KIF2A: variants seen among roughly 807,000 people sequenced by gnomAD.
The protein encoded by KIF2A is kinesin-like protein KIF2A.
KIF2A carries 22 observed loss-of-function variants against 100.2 expected under a neutral mutation model. The ratio of observed to expected loss-of-function variants is 0.22; its 90% confidence interval spans 0.16 to 0.31. The LOEUF (loss-of-function observed/expected upper bound fraction) is 0.31. Ranked by LOEUF, KIF2A falls within the 10% of genes least tolerant of loss-of-function variation. The probability of loss-of-function intolerance (pLI) is 1.00; values close to 1 mark genes in which losing one functional copy is unlikely to be tolerated. For missense variants in KIF2A, 495 were observed against 898.7 expected (o/e 0.55, Z 5.74); for synonymous variants, 268 against 285.9 (o/e 0.94, Z 0.63).
At position 62,372,551 on chromosome 5, in the gene KIF2A, G is replaced by GGT. The variant is rs563646102; in HGVS notation, c.1760+1_1760+2dup. 92 of 1,512,184 alleles carry GGT rather than the reference G, an allele frequency of 6.1e-5. No homozygotes were observed. The African/African-American group carries it at 1.1e-3, about 18-fold the overall frequency. 93.7% of individuals were successfully genotyped at this position (1,512,184 alleles called of 1,614,324 possible). On this transcript the variant is annotated frameshift_variant and splice_region_variant. Transcript: ENST00000407818. LOFTEE classifies it high-confidence loss of function. The stretch of plus-strand genomic sequence containing the variant: ...GACGACTTTTCTCCTTCAGTTACCA[G>GGT]GTCTACTTCATTCTATACATAAGAT...
chr5:62,335,135 ACAT>A (rs1746873778), intron 1 of KIF2A, among the ~76,000 whole-genome samples: 1 of 152,238 alleles, frequency 6.6e-6, no homozygotes, highest in African/African-American at 2.4e-5. Flanking sequence ...TCAAGGCTGA[ACAT>A]CATCCTCATA....
intron 19 of KIF2A, among the ~76,000 whole-genome samples, chr5:62,379,475 CAA>C (rs1741687137): frequency 6.6e-6 from 1 of 152,024 alleles, no homozygotes; most frequent in African/African-American, 2.4e-5. Context: ...CCAGCCTGAC[CAA>C]TATGGAGAAA....
At chr5:62,367,013 G>A (rs908572910) in intron 16 of KIF2A, among the ~76,000 whole-genome samples, 1 of 151,942 alleles carries the variant, frequency 6.6e-6, no homozygotes, top group African/African-American at 2.4e-5. Context: ...AGTAAAGTTG[G>A]TCTTTTTATC....
At chr5:62,344,910 C>A (rs1188436113) in intron 1 of KIF2A, among the ~76,000 whole-genome samples, 1 of 152,102 alleles carries the variant, frequency 6.6e-6, no homozygotes, top group Non-Finnish European at 1.5e-5. Context: ...AGATTATGTT[C>A]ATTTATTACT....
chr5:62,374,651 T>G (rs1741465358), intron 18 of KIF2A, among the ~76,000 whole-genome samples: 1 of 152,044 alleles, frequency 6.6e-6, no homozygotes, highest in Non-Finnish European at 1.5e-5. Flanking sequence ...TTATAAAGCT[T>G]AAAAACAAGC....
At chr5:62,385,107 A>G (rs1039925094) in intron 20 of KIF2A, among the ~76,000 whole-genome samples, 2 of 149,598 alleles carry the variant, frequency 1.3e-5, no homozygotes, top group African/African-American at 5.0e-5. Flanking sequence ...GCACCATTGC[A>G]CTCAAGCTTG....
chr5:62,308,448 G>A, intron 1 of KIF2A: 3 of 948,684 alleles, frequency 3.2e-6, no homozygotes, highest in Non-Finnish European at 3.3e-6. Flanking sequence ...CTGCACTCTC[G>A]CGTTCATTGC....
At chr5:62,376,087 A>G (rs1346242730) in intron 18 of KIF2A, among the ~76,000 whole-genome samples, 2 of 152,172 alleles carry the variant, frequency 1.3e-5, no homozygotes, top group African/African-American at 4.8e-5. Context: ...CCAGAGCAAG[A>G]TAAGTACTCC....
At chr5:62,350,546 A>T (rs574474884) in intron 4 of KIF2A, among the ~76,000 whole-genome samples, 1 of 151,822 alleles carries the variant, frequency 6.6e-6, no homozygotes, top group South Asian at 2.1e-4. Context: ...AAGTGTTGGG[A>T]TTACAGGCAT....
At chr5:62,341,780 C>T (rs1381443805) in intron 1 of KIF2A, among the ~76,000 whole-genome samples, 1 of 152,160 alleles carries the variant, frequency 6.6e-6, no homozygotes, top group African/African-American at 2.4e-5. Flanking sequence ...GTGGGAATAC[C>T]ATGGTAGATG....
chr5:62,382,783 G>T lies in KIF2A; in HGVS notation c.2149+1530G>T, dbSNP rs116617076. ...CGAGTAGTTGGGATTACAGGCACGC[G>T]CCACAATGCACAGCTAACTTCTGTA... On this transcript the variant is annotated intron_variant, in intron 20 of 20. Coordinates refer to ENST00000407818, the MANE Select transcript of KIF2A (RefSeq NM_001098511.3). 5.3e-3 allele frequency among the ~76,000 whole-genome samples: 803 copies of T among 151,760 alleles called. 1 individual carries two copies. The highest frequency in any genetic ancestry group is 0.01 in the South Asian group (48 of 4,798).
chr5:62,323,367 CA>C (rs1474693137), intron 1 of KIF2A, among the ~76,000 whole-genome samples: 1 of 150,860 alleles, frequency 6.6e-6, no homozygotes, highest in Non-Finnish European at 1.5e-5. Flanking sequence ...TAAAAAAATA[CA>C]AAAAATTAGC....
At chr5:62,333,573 A>G (rs1746764285) in intron 1 of KIF2A, among the ~76,000 whole-genome samples, 2 of 152,136 alleles carry the variant, frequency 1.3e-5, no homozygotes, top group African/African-American at 4.8e-5. Context: ...GGAAATGATA[A>G]TGGACATCAG....
chr5:62,345,593 T>C (rs1228054580), intron 1 of KIF2A, among the ~76,000 whole-genome samples: 1 of 151,906 alleles, frequency 6.6e-6, no homozygotes, highest in Admixed American at 6.6e-5. Flanking sequence ...AGCCCAGGAG[T>C]TTGAGACCAG....
intron 1 of KIF2A, among the ~76,000 whole-genome samples, chr5:62,333,814 CTGCCCTTCACACAAGTATGA>C (rs990444946): frequency 6.6e-5 from 10 of 152,154 alleles, no homozygotes; most frequent in African/African-American, 2.4e-4. Context: ...AGCTCTGACT[CTGCCCTTCACACAAGTATGA>C]TGAACCCCAG....
intron 16 of KIF2A, among the ~76,000 whole-genome samples, chr5:62,371,442 A>T (rs1741324477): frequency 6.6e-6 from 1 of 152,200 alleles, no homozygotes; most frequent in African/African-American, 2.4e-5. Flanking sequence ...TTTTTGACCT[A>T]AAAAGAAGGG....
chr5:62,370,203 A>T (rs1741257822), intron 16 of KIF2A, among the ~76,000 whole-genome samples: 1 of 152,168 alleles, frequency 6.6e-6, no homozygotes, highest in Non-Finnish European at 1.5e-5. Context: ...TTTATATGGG[A>T]ATTGTGGGAT....
chr5:62,377,317 C>T (rs754910145), intron 18 of KIF2A, among the ~76,000 whole-genome samples: 1 of 152,078 alleles, frequency 6.6e-6, no homozygotes, highest in Non-Finnish European at 1.5e-5. Context: ...GTAGACAATA[C>T]TGAGGAAATA....
At chr5:62,363,944 T>G (rs2111960913) in intron 14 of KIF2A, 45 bp downstream of exon 14, 1 of 1,451,262 alleles carries the variant, frequency 6.9e-7, no homozygotes, top group South Asian at 1.3e-5. Flanking sequence ...TACTTTTGAC[T>G]TTAATTTTCT....
Sources: gnomAD v4.1 joint callset for allele counts (sites outside exome capture counted in the v4.1 genomes callset) on GRCh38, gnomAD v4.1.1 for gene constraint, MANE v1.5 for transcripts, NCBI Gene and HGNC (gene_info 2026-07-23, HGNC 2026-07-21) for gene names.